The following MDN1 variants were observed in gnomAD, a reference collection of about 807,000 sequenced individuals.
MDN1 encodes midasin AAA ATPase 1.
MDN1 carries 266 observed loss-of-function variants against 669.2 expected under a neutral mutation model. That is an observed-to-expected ratio of 0.40 (90% CI 0.36 to 0.44). The LOEUF (loss-of-function observed/expected upper bound fraction) is 0.44, where lower values mean the gene tolerates loss of function less well. MDN1 is among the 20% of genes least tolerant of loss of function. The pLI, the probability that MDN1 is intolerant of heterozygous loss-of-function variation, is 1.00. For missense variants in MDN1, 5,940 were observed against 6,754.0 expected (o/e 0.88, Z 4.22); for synonymous variants, 2,385 against 2,457.1 (o/e 0.97, Z 0.87).
chr6:89,791,043 A>C (rs1320404863), intron 5 of MDN1, among the ~76,000 whole-genome samples: 1 of 152,202 alleles, frequency 6.6e-6, no homozygotes, highest in Non-Finnish European at 1.5e-5. Context: ...AATAAATAAA[A>C]ATAAAAATAA....
At chr6:89,818,441 C>A (rs1768992724) in intron 1 of MDN1, among the ~76,000 whole-genome samples, 1 of 151,002 alleles carries the variant, frequency 6.6e-6, no homozygotes, top group South Asian at 2.1e-4. Context: ...CCAGACCAGT[C>A]GGGGCAACAA....
intron 92 of MDN1, 126 bp from the exon 93 acceptor site, chr6:89,654,460 C>G: frequency 8.1e-7 from 1 of 1,231,700 alleles, no homozygotes; most frequent in Non-Finnish European, 1.1e-6. Flanking sequence ...GTGCCACTGA[C>G]CAGCTATGTG....
intron 16 of MDN1, among the ~76,000 whole-genome samples, 199 bp from the exon 17 acceptor site, chr6:89,761,947 T>C (rs112623811): frequency 3.3e-5 from 5 of 152,354 alleles, no homozygotes; most frequent in African/African-American, 1.2e-4. Context: ...ATGTATTAAC[T>C]GCCTCATTTA....
At chr6:89,780,852 T>C (rs1021371997) in intron 10 of MDN1, among the ~76,000 whole-genome samples, 6 of 151,336 alleles carry the variant, frequency 4.0e-5, no homozygotes, top group African/African-American at 1.2e-4. Flanking sequence ...GGTTTCACCA[T>C]GTTGGCCAGG....
intron 84 of MDN1, among the ~76,000 whole-genome samples, chr6:89,667,775 A>G (rs533163931): frequency 1.3e-5 from 2 of 152,312 alleles, no homozygotes; most frequent in South Asian, 4.1e-4. Flanking sequence ...TAAAAAAAAA[A>G]AGTAAAAATC....
intron 33 of MDN1, among the ~76,000 whole-genome samples, chr6:89,733,198 A>G (rs1815713487): frequency 6.6e-6 from 1 of 152,050 alleles, no homozygotes; most frequent in South Asian, 2.1e-4. Context: ...AAAGAATGTC[A>G]TCTTTTCAAT....
At chr6:89,684,792 G>T in intron 71 of MDN1, 84 bp downstream of exon 71, 1 of 821,794 alleles carries the variant, frequency 1.2e-6, no homozygotes, top group Non-Finnish European at 2.0e-6. Flanking sequence ...CCCTGCCTCA[G>T]TGTTAAATGG....
intron 10 of MDN1, among the ~76,000 whole-genome samples, chr6:89,780,893 C>T (rs973371614): frequency 6.6e-6 from 1 of 151,576 alleles, no homozygotes; most frequent in Non-Finnish European, 1.5e-5. Flanking sequence ...TCATGATCCG[C>T]CCACCTCGGC....
rs1470744708 is a variant in MDN1 at position 89,725,289 on chromosome 6, T to G, written c.5580A>C (p.Glu1860Asp). ...ELGMSFQVQH[E>D]KTKIFGCQNP... ...TCTGACACCCAAAAATCTTCGTCTT[T>G]TCATGCTGCACTTGAAAGCTCATTC... The change falls in exon 38 of 102, where the codon GAA becomes GAC. Residue 1860 changes from glutamate (E) to aspartate (D), a missense_variant. This residue lies in a region of MDN1 where 2,292 missense variants were observed against 2,638.3 expected (regional missense o/e 0.87). Coordinates refer to ENST00000369393, the MANE Select transcript of MDN1 (RefSeq NM_014611.3). The G allele has an allele frequency of 3.1e-6, 5 of 1,613,938 alleles. No individual in the cohort carries two copies. Among genetic ancestry groups the G allele is most frequent in the Non-Finnish European group, 4.2e-6 (5 of 1,180,002 alleles).
chr6:89,678,249 G>A (rs765411379), intron 75 of MDN1, among the ~76,000 whole-genome samples: 19 of 152,124 alleles, frequency 1.2e-4, no homozygotes, highest in Non-Finnish European at 2.5e-4. Context: ...TCCAGCCTGG[G>A]CAACAAGAGG....
intron 8 of MDN1, among the ~76,000 whole-genome samples, chr6:89,787,345 C>T (rs1281608245): frequency 1.3e-5 from 2 of 152,114 alleles, no homozygotes; most frequent in East Asian, 3.8e-4. Flanking sequence ...GTTTTTGTGC[C>T]TTTGTTCATG....
In MDN1 at chr6:89,671,062, A is replaced by C. The variant is rs143595647; in HGVS notation, c.13813T>G (p.Ser4605Ala). The C allele has an allele frequency of 8.0e-5, 129 of 1,613,918 alleles. No homozygotes were observed. Among genetic ancestry groups the C allele is most frequent in the Non-Finnish European group, 9.3e-5 (110 of 1,179,974 alleles). ...ACCGGCACCAGGCGCACCAGCAAGG[A>C]ACAGGATTGGCTGAAGAACTGAGAC... is the stretch of plus-strand genomic sequence containing the variant. ...AKHLFFSQSCSLLVRLVPVLS... is the reference protein window; with the variant it reads ...AKHLFFSQSCALLVRLVPVLS... Residue 4605 changes from serine (S) to alanine (A), a missense_variant, in exon 83 of 102, where the codon TCC (serine) becomes GCC (alanine). This residue lies in a region of MDN1 where 2,280 missense variants were observed against 2,576.3 expected (regional missense o/e 0.88). Coordinates refer to ENST00000369393, the MANE Select transcript of MDN1 (RefSeq NM_014611.3).
chr6:89,775,571 C>T (rs1430689596), intron 12 of MDN1, among the ~76,000 whole-genome samples: 2 of 152,126 alleles, frequency 1.3e-5, no homozygotes, highest in Non-Finnish European at 1.5e-5. Context: ...TCCCAAAATA[C>T]GTATTTTGAC....
intron 11 of MDN1, 63 bp from the exon 12 acceptor site, chr6:89,776,758 T>A (rs751828645): frequency 3.0e-5 from 36 of 1,180,622 alleles, no homozygotes; most frequent in Non-Finnish European, 4.0e-5. Context: ...TCACAGAACA[T>A]CATTTTCCTG....
In MDN1 at chr6:89,803,312, T is replaced by G. The variant is rs1767785416; in HGVS notation, c.329+16A>C. The G allele has an allele frequency of 6.2e-7, 1 of 1,606,136 alleles. No individual in the cohort carries two copies. Among genetic ancestry groups the G allele is most frequent in the African/African-American group, 1.3e-5 (1 of 74,714 alleles). ...TCACCTCAAGGAGAAATGCGAATAA[T>G]AAAATTGCTACTCACGGGAGGACAT... On this transcript the variant is annotated intron_variant, in intron 2 of 101. Coordinates refer to ENST00000369393, the MANE Select transcript of MDN1 (RefSeq NM_014611.3).
chr6:89,783,343 G>C (rs541750583), intron 9 of MDN1, among the ~76,000 whole-genome samples: 53 of 152,232 alleles, frequency 3.5e-4, no homozygotes, highest in African/African-American at 1.3e-3. Flanking sequence ...TAAGGACCGA[G>C]ATACACCCTG....
chr6:89,790,072 T>C (rs542132014), intron 6 of MDN1, 87 bp downstream of exon 6: 18 of 1,599,178 alleles, frequency 1.1e-5, no homozygotes, highest in African/African-American at 2.7e-5. Context: ...CCAATAACTA[T>C]TGTTATATTC....
chr6:89,743,460 C>A, intron 30 of MDN1, 116 bp downstream of exon 30: 2 of 1,358,680 alleles, frequency 1.5e-6, no homozygotes, highest in South Asian at 1.4e-5. Flanking sequence ...CAGAGAAAAT[C>A]TGCAGATATG....
In MDN1 at chr6:89,645,026, G is replaced by C; in HGVS notation, c.16591C>G (p.Pro5531Ala). ...TAGTAGTCACTCACCCGTGAACTGG[G>C]ATTGTCCAATACAACAAAGATGACA... ...IFVIFVVLDN[P>A]SSRDSILDIK... The change falls in exon 101 of 102, where the codon CCC (proline) becomes GCC (alanine). Residue 5531 changes from proline (P) to alanine (A), a missense_variant. This residue lies in a region of MDN1 where 2,280 missense variants were observed against 2,576.3 expected (regional missense o/e 0.88). Transcript: ENST00000369393. 1.3e-6 allele frequency: 2 copies of C among 1,595,114 alleles called. No individual in the cohort carries two copies. Among genetic ancestry groups the C allele is most frequent in the Non-Finnish European group, 1.7e-6 (2 of 1,163,968 alleles).
Sources: allele counts gnomAD v4.1 joint callset (sites outside exome capture counted in the v4.1 genomes callset), GRCh38; gene constraint gnomAD v4.1.1; regional missense constraint gnomAD v4.1.1; transcripts MANE v1.5; gene names NCBI Gene and HGNC (gene_info 2026-07-23, HGNC 2026-07-21).